Variants in HUNK observed in about 807,000 individuals in gnomAD.
HUNK encodes the protein hormonally up-regulated neu tumor-associated kinase.
A neutral mutation model predicts 61.0 loss-of-function variants in HUNK; 21 were observed. The ratio of observed to expected loss-of-function variants is 0.34; its 90% CI spans 0.24 to 0.50. The LOEUF (loss-of-function observed/expected upper bound fraction) is 0.50, where lower values mean the gene tolerates loss of function less well. Among genes scored for constraint, HUNK ranks in the 20% least tolerant of loss-of-function variants. The pLI is 0.98. For synonymous variants in HUNK, 371 were observed against 386.1 expected, an observed-to-expected ratio of 0.96 and a Z score of 0.46; for missense variants, 772 against 945.7, an observed-to-expected ratio of 0.82 and a Z score of 2.41.
intron 1 of HUNK, among the ~76,000 whole-genome samples, chr21:31,881,597 TGG>T (rs2052307896): frequency 6.6e-6 from 1 of 152,116 alleles, no homozygotes; most frequent in South Asian, 2.1e-4. Flanking sequence ...CACTCCAGCC[TGG>T]GTAACAAGAG....
At position 31,990,190 on chromosome 21, in the gene HUNK, G is replaced by A. The variant is rs2053162389; in HGVS notation, c.1305+14G>A. The A allele has an allele frequency of 1.2e-6, 2 of 1,610,968 alleles. No homozygotes were observed. Among genetic ancestry groups the A allele is most frequent in the Non-Finnish European group, 1.7e-6 (2 of 1,177,538 alleles). On this transcript the variant is annotated intron_variant, in intron 9 of 10. Coordinates refer to ENST00000270112, the MANE Select transcript of HUNK (RefSeq NM_014586.2). ...CATGCCGTGCAGGTAAGAACTTGGGGGATTATTATGTTAGTCAGGGTTCTC... is the reference window on the plus strand; with the variant it reads ...CATGCCGTGCAGGTAAGAACTTGGGAGATTATTATGTTAGTCAGGGTTCTC...
At position 31,925,857 on chromosome 21, in the gene HUNK, T is replaced by G. The variant is rs994967939; in HGVS notation, c.554+1097T>G. Among the ~76,000 whole-genome samples the G allele has an allele frequency of 1.8e-4, 28 of 152,166 alleles. 1 individual carries two copies. Among genetic ancestry groups the G allele is most frequent in the Admixed American group, 9.2e-4 (14 of 15,276 alleles). Reference sequence around the variant, plus strand: ...AGGGAGTGTTGGCTTCACCAATAAATGCATGGTTCTTCCTTTGTGGAATTA... The same window carrying G: ...AGGGAGTGTTGGCTTCACCAATAAAGGCATGGTTCTTCCTTTGTGGAATTA... On this transcript the variant is annotated intron_variant, in intron 2 of 10. Transcript: ENST00000270112.
Position 31,975,280 on chromosome 21 carries a change from G to A in HUNK, c.1173+563G>A, listed in dbSNP as rs536786504. On this transcript the variant is annotated intron_variant, in intron 7 of 10. Coordinates refer to ENST00000270112, the MANE Select transcript of HUNK (RefSeq NM_014586.2). ...GAGGTACCTTTGGGGTTTCCACAGCGTGGGGTGGATGGTGGGACCCTGACA... is the reference window on the plus strand; with the variant it reads ...GAGGTACCTTTGGGGTTTCCACAGCATGGGGTGGATGGTGGGACCCTGACA... Among the ~76,000 whole-genome samples the A allele has an allele frequency of 4.6e-5, 7 of 152,302 alleles. No individual in the cohort carries two copies. The East Asian group carries it at 9.6e-4, about 21-fold the overall frequency.
chr21:31,976,599 T>C (rs776144940), intron 7 of HUNK, among the ~76,000 whole-genome samples: 39 of 151,058 alleles, frequency 2.6e-4, no homozygotes, highest in African/African-American at 9.5e-4. Flanking sequence ...CCTGAGTAGC[T>C]GGGACCACAG....
chr21:31,874,370 G>T (rs920630190), intron 1 of HUNK, among the ~76,000 whole-genome samples: 3 of 151,872 alleles, frequency 2.0e-5, no homozygotes, highest in African/African-American at 7.3e-5. Flanking sequence ...GCCAGCCTCT[G>T]GGGGGAGCTT....
chr21:31,881,848 T>C (rs1401270660), intron 1 of HUNK, among the ~76,000 whole-genome samples: 3 of 152,216 alleles, frequency 2.0e-5, no homozygotes, highest in Non-Finnish European at 4.4e-5. Context: ...GCAGATTCTA[T>C]GTGCCACACG....
intron 1 of HUNK, among the ~76,000 whole-genome samples, chr21:31,903,545 C>G (rs759630361): frequency 2.6e-5 from 4 of 151,992 alleles, no homozygotes; most frequent in Non-Finnish European, 4.4e-5. Flanking sequence ...TACAGCTAGG[C>G]GGTTGACTAA....
At chr21:31,938,630 A>G (rs966215777) in intron 2 of HUNK, among the ~76,000 whole-genome samples, 2 of 152,168 alleles carry the variant, frequency 1.3e-5, no homozygotes, top group Non-Finnish European at 2.9e-5. Context: ...TACAATAGAG[A>G]TAAGAGGAAA....
chr21:31,977,507 G>A (rs58086365), intron 7 of HUNK, among the ~76,000 whole-genome samples: 6,876 of 152,230 alleles, frequency 0.045, 503 homozygotes, highest in African/African-American at 0.16. Context: ...TCTTTTGGTG[G>A]AACTAGTTCT....
chr21:31,941,261 A>T (rs2052766570), intron 3 of HUNK, among the ~76,000 whole-genome samples: 1 of 152,166 alleles, frequency 6.6e-6, no homozygotes, highest in Non-Finnish European at 1.5e-5. Context: ...ATCTATTCTT[A>T]GAAGATTCTT....
At chr21:31,885,446 C>T (rs1266212704) in intron 1 of HUNK, among the ~76,000 whole-genome samples, 2 of 152,182 alleles carry the variant, frequency 1.3e-5, no homozygotes, top group Non-Finnish European at 1.5e-5. Flanking sequence ...ACTCTCTGCC[C>T]CTTCACTCTG....
At chr21:31,990,441 G>A (rs187118768) in intron 9 of HUNK, among the ~76,000 whole-genome samples, 120 of 150,996 alleles carry the variant, frequency 7.9e-4, no homozygotes, top group Middle Eastern at 3.4e-3. Context: ...TTTTAAAGCC[G>A]TTGACTGATT....
intron 1 of HUNK, among the ~76,000 whole-genome samples, chr21:31,911,631 C>G (rs2052546410): frequency 6.6e-6 from 1 of 152,046 alleles, no homozygotes; most frequent in Non-Finnish European, 1.5e-5. Context: ...TCCTGTCCCT[C>G]TAGATTCGCT....
intron 6 of HUNK, among the ~76,000 whole-genome samples, chr21:31,972,334 G>C (rs533757545): frequency 3.9e-5 from 6 of 152,222 alleles, no homozygotes; most frequent in African/African-American, 1.2e-4. Flanking sequence ...ACCATTCTCT[G>C]TGTCATCCAA....
chr21:31,891,484 C>A (rs533466967), intron 1 of HUNK, among the ~76,000 whole-genome samples: 4 of 152,338 alleles, frequency 2.6e-5, no homozygotes, highest in South Asian at 2.1e-4. Flanking sequence ...CTGACTGGTA[C>A]AAGAGCAGGT....
intron 1 of HUNK, among the ~76,000 whole-genome samples, chr21:31,894,069 C>G (rs936721986): frequency 1.3e-5 from 2 of 152,176 alleles, no homozygotes; most frequent in African/African-American, 4.8e-5. Context: ...TTTTGGCTGC[C>G]AGTTGTCCTC....
rs773136184 is a variant in HUNK, at chr21:31,873,869, C to A, written c.195C>A (p.Ser65Arg). ...GCGTGGGCAACTACCTCATCGGCAGCAGGAAGCTGGGCGAGGGCTCCTTTG... is the reference window on the plus strand; with the variant it reads ...GCGTGGGCAACTACCTCATCGGCAGAAGGAAGCTGGGCGAGGGCTCCTTTG... ...HKRVGNYLIG[S>R]RKLGEGSFAK... The change falls in exon 1 of 11, where the codon AGC becomes AGA. Residue 65 changes from serine to arginine, a missense_variant. Physicochemically the swap from Ser to Arg is moderately radical, Grantham distance 110 (BLOSUM62 -1). This residue lies in a region of HUNK where 359 missense variants were observed against 501.3 expected (regional missense o/e 0.72). Coordinates refer to ENST00000270112, the MANE Select transcript of HUNK (RefSeq NM_014586.2). The surrounding 1 kb of genome is among the most constrained non-coding windows in gnomAD (Gnocchi z 6.1). 6.3e-7 allele frequency: 1 copy of A among 1,587,188 alleles called. No homozygotes were observed. Among genetic ancestry groups the A allele is most frequent in the South Asian group, 1.1e-5 (1 of 87,576 alleles).
chr21:31,970,473 A>C (rs1269014939), intron 6 of HUNK, among the ~76,000 whole-genome samples: 2 of 152,166 alleles, frequency 1.3e-5, no homozygotes, highest in Non-Finnish European at 2.9e-5. Context: ...CAGGATCTGA[A>C]ACAGACACCA....
At chr21:31,991,750 T>C (rs1568943398) in intron 9 of HUNK, among the ~76,000 whole-genome samples, 1 of 152,174 alleles carries the variant, frequency 6.6e-6, no homozygotes, top group Non-Finnish European at 1.5e-5. Flanking sequence ...CGAACTGGAC[T>C]TGATAGAGTT....
Sources: gnomAD v4.1 joint callset for allele counts (sites outside exome capture counted in the v4.1 genomes callset) on GRCh38, gnomAD v4.1.1 for gene constraint, gnomAD v4.1.1 regional missense constraint, Gnocchi (gnomAD v3.1) non-coding constraint, MANE v1.5 for transcripts, NCBI Gene and HGNC (gene_info 2026-07-23, HGNC 2026-07-21) for gene names.